Variants in PLK1 observed in about 807,000 individuals in gnomAD.
PLK1 encodes the protein serine/threonine-protein kinase PLK1.
Under a neutral mutation model 56.7 loss-of-function variants are expected in PLK1, and 6 were observed. The ratio of observed to expected loss-of-function variants is 0.11; its 90% confidence interval spans 0.06 to 0.21. The LOEUF is 0.21. Among genes scored for constraint, PLK1 ranks in the 10% least tolerant of loss-of-function variants. The pLI is 1.00. For missense variants in PLK1, 546 were observed against 814.4 expected (o/e 0.67, Z 4.01); for synonymous variants, 298 against 325.0 (o/e 0.92, Z 0.89).
chr16:23,687,200 G>T, intron 5 of PLK1: 1 of 263,726 alleles, frequency 3.8e-6, no homozygotes, highest in Non-Finnish European at 7.2e-6. Flanking sequence ...TGAGCTGCTG[G>T]TGCCTTCAAG....
At position 23,689,284 on chromosome 16, in the gene PLK1, A is replaced by C. The variant is rs754717383; in HGVS notation, c.1317A>C (p.Ser439=). ...DNSVGVLFND[S]TRLILYNDGD... ...GCGTGGGGGTGCTCTTCAATGACTC[A>C]ACACGCCTCATCCTCTACAATGATG... The change falls in exon 8 of 10, where the codon TCA becomes TCC. Residue 439 remains serine, a synonymous_variant. Coordinates refer to ENST00000300093, the MANE Select transcript of PLK1 (RefSeq NM_005030.6). This position sits in a 1 kb window ranked among gnomAD's most constrained non-coding sequence, Gnocchi z 4.8. 2 of 1,613,662 alleles carry C rather than the reference A, an allele frequency of 1.2e-6. No homozygotes were observed. Among genetic ancestry groups the C allele is most frequent in the African/African-American group, 1.3e-5 (1 of 74,836 alleles).
At chr16:23,687,421 G>T in intron 5 of PLK1, 48 bp from the exon 6 acceptor site, 1 of 1,441,390 alleles carries the variant, frequency 6.9e-7, no homozygotes, top group South Asian at 1.4e-5. Flanking sequence ...GCTGTGGCAG[G>T]GGAGTCCCGT....
intron 5 of PLK1, 61 bp downstream of exon 5, chr16:23,684,150 G>A (rs901208452): frequency 3.0e-6 from 4 of 1,333,908 alleles, no homozygotes; most frequent in Non-Finnish European, 4.3e-6. Flanking sequence ...TTGTAGGGGT[G>A]TGTGCAGCTT....
At chr16:23,680,812 A>G in intron 2 of PLK1, 102 bp from the exon 3 acceptor site, 1 of 1,109,578 alleles carries the variant, frequency 9.0e-7, no homozygotes, top group Non-Finnish European at 1.3e-6. Context: ...TTGTGGGATC[A>G]GATGGCCCTG....
In PLK1 at chr16:23,687,636, G is replaced by T; in HGVS notation, c.1192+12G>T. 1 of 1,544,930 alleles carries T rather than the reference G, an allele frequency of 6.5e-7. No individual in the cohort carries two copies. The highest frequency in any genetic ancestry group is 8.8e-7 in the Non-Finnish European group (1 of 1,135,480). ...GCTGGTCAGGCAAGGTGGGTACTGC[G>T]GGGCCCTGGGCGGGGCAGGATTGCT... On this transcript the variant is annotated intron_variant, in intron 6 of 9. Transcript: ENST00000300093.
intron 5 of PLK1, among the ~76,000 whole-genome samples, chr16:23,686,822 T>C (rs993563789): frequency 9.9e-5 from 15 of 152,222 alleles, no homozygotes; most frequent in Non-Finnish European, 1.9e-4. Context: ...ATCCCTAATA[T>C]CTTATTATTT....
chr16:23,688,951 G>A (rs188019287), intron 7 of PLK1, among the ~76,000 whole-genome samples: 1 of 151,682 alleles, frequency 6.6e-6, no homozygotes, highest in African/African-American at 2.4e-5. Flanking sequence ...CTGTAGCCCA[G>A]GCTGGAGTGC....
In PLK1 at chr16:23,689,758, G is replaced by T; in HGVS notation, c.1608+82G>T. ...CAGTGGCCCATGTGGGTTGAATGTGGAGTGAGCGGCTCAGGTACCTATAAC... is the reference window on the plus strand; with the variant it reads ...CAGTGGCCCATGTGGGTTGAATGTGTAGTGAGCGGCTCAGGTACCTATAAC... On this transcript the variant is annotated intron_variant, in intron 9 of 9. Transcript: ENST00000300093. The surrounding 1 kb of genome is among the most constrained non-coding windows in gnomAD (Gnocchi z 4.8). 1 of 1,532,210 alleles carries T rather than the reference G, an allele frequency of 6.5e-7. No homozygotes were observed. The highest frequency in any genetic ancestry group is 2.3e-5 in the East Asian group (1 of 44,052). The allele number at this position is 1,532,210 out of a possible 1,614,324, so 94.9% of individuals were successfully genotyped here. A position where few individuals can be genotyped will look rare whatever the true frequency, so the allele number is the denominator to read the frequency against.
Position 23,689,258 on chromosome 16 carries a change from A to T in PLK1, c.1291A>T (p.Ser431Cys). The change falls in exon 8 of 10, where the codon AGC becomes TGC. Residue 431 changes from serine to cysteine, a missense_variant. By Grantham distance (112) the Ser-to-Cys change is moderately radical (BLOSUM62 -1). Transcript: ENST00000300093. The surrounding 1 kb of genome is among the most constrained non-coding windows in gnomAD (Gnocchi z 4.8). ...CCTAGGGTATCAGCTCTGTGATAAC[A>T]GCGTGGGGGTGCTCTTCAATGACTC... Reference protein sequence around the residue: ...YGLGYQLCDNSVGVLFNDSTR... With the variant: ...YGLGYQLCDNCVGVLFNDSTR... 1 of 1,613,214 alleles carries T rather than the reference A, an allele frequency of 6.2e-7. No homozygotes were observed. The highest frequency in any genetic ancestry group is 8.5e-7 in the Non-Finnish European group (1 of 1,179,360).
In PLK1 at chr16:23,689,641, C is replaced by T. The variant is rs747431571; in HGVS notation, c.1573C>T (p.Leu525Phe). The T allele has an allele frequency of 6.2e-7, 1 of 1,611,010 alleles. No individual in the cohort carries two copies. The highest frequency in any genetic ancestry group is 8.5e-7 in the Non-Finnish European group (1 of 1,178,744). Residue 525 changes from leucine to phenylalanine, a missense_variant, in exon 9 of 10, where the codon CTC becomes TTC. Leu to Phe is a conservative substitution (Grantham distance 22). Coordinates refer to ENST00000300093, the MANE Select transcript of PLK1 (RefSeq NM_005030.6). This position sits in a 1 kb window ranked among gnomAD's most constrained non-coding sequence, Gnocchi z 4.8. ...FRTRSAIILH[L>F]SNGSVQINFF... The stretch of plus-strand genomic sequence containing the variant: ...CACCCGCAGCGCCATCATCCTGCAC[C>T]TCAGCAACGGCAGCGTGCAGATCAA...
Position 23,684,022 on chromosome 16 carries a change from A to T in PLK1, c.969A>T (p.Pro323=). ...RLPITCLTIP[P]RFSIAPSSLD... Reference sequence around the variant, plus strand: ...CCATCACCTGCCTGACCATTCCACCAAGGTTTTCGATTGCTCCCAGCAGCC... The same window carrying T: ...CCATCACCTGCCTGACCATTCCACCTAGGTTTTCGATTGCTCCCAGCAGCC... Residue 323 remains proline, a synonymous_variant, in exon 5 of 10, where the codon CCA becomes CCT. Transcript: ENST00000300093. 1.9e-6 allele frequency: 3 copies of T among 1,613,984 alleles called. No homozygotes were observed. The highest frequency in any genetic ancestry group is 2.5e-6 in the Non-Finnish European group (3 of 1,180,010).
chr16:23,688,614 A>G, intron 6 of PLK1, 54 bp from the exon 7 acceptor site: 1 of 1,341,554 alleles, frequency 7.5e-7, no homozygotes, highest in Non-Finnish European at 1.1e-6. Flanking sequence ...TGTGTGGAGC[A>G]GAGGGGAAGA....
chr16:23,687,073 G>C (rs1959439691), intron 5 of PLK1: 1 of 155,334 alleles, frequency 6.4e-6, no homozygotes, highest in Non-Finnish European at 1.4e-5. Context: ...AAAATTTCTT[G>C]TGTTTTTATT....
In PLK1 at chr16:23,679,268, C is replaced by A. The variant is rs755802528; in HGVS notation, c.336C>A (p.His112Gln). The A allele has an allele frequency of 6.2e-7, 1 of 1,613,966 alleles. No individual in the cohort carries two copies. Among genetic ancestry groups the A allele is most frequent in the Non-Finnish European group, 8.5e-7 (1 of 1,180,030 alleles). ...TTCACCGCAGCCTCGCCCACCAGCA[C>A]GTCGTAGGATTCCACGGCTTTTTCG... ...ISIHRSLAHQ[H>Q]VVGFHGFFED... The change falls in exon 1 of 10, where the codon CAC becomes CAA. Residue 112 changes from histidine (H) to glutamine (Q), a missense_variant. Physicochemically the swap from His to Gln is conservative, Grantham distance 24 (BLOSUM62 0). Transcript: ENST00000300093.
chr16:23,679,717 G>T (rs923359414), intron 1 of PLK1: 12 of 278,284 alleles, frequency 4.3e-5, no homozygotes, highest in Non-Finnish European at 6.8e-5. Flanking sequence ...GGTCAGTGGG[G>T]GGGTAGTTGG....
chr16:23,689,116 TCAAA>T lies in PLK1; in HGVS notation c.1271-118_1271-115del. ...CCAGGCTGGTCTCAAACTCCTGGGCTCAAACAATCCTCCTCCCTCAGCCTCCCAA... is the reference window on the plus strand; with the variant it reads ...CCAGGCTGGTCTCAAACTCCTGGGCTCAATCCTCCTCCCTCAGCCTCCCAA... On this transcript the variant is annotated intron_variant, in intron 7 of 9. Transcript: ENST00000300093. This position sits in a 1 kb window ranked among gnomAD's most constrained non-coding sequence, Gnocchi z 4.8. The T allele has an allele frequency of 1.2e-6, 1 of 854,592 alleles. No homozygotes were observed. The highest frequency in any genetic ancestry group is 2.4e-5 in the East Asian group (1 of 40,850). 52.9% of individuals were successfully genotyped at this position (854,592 alleles called of 1,614,324 possible).
At chr16:23,688,321 A>G (rs1959461178) in intron 6 of PLK1, among the ~76,000 whole-genome samples, 1 of 152,184 alleles carries the variant, frequency 6.6e-6, no homozygotes, top group African/African-American at 2.4e-5. Flanking sequence ...CCCTACAACC[A>G]CAGTGTAAGC....
At position 23,687,563 on chromosome 16, in the gene PLK1, G is replaced by T; in HGVS notation, c.1131G>T (p.Met377Ile). ...GEVVDCHLSD[M>I]LQQLHSVNAS... ...TGGTCGACTGCCACCTCAGTGACAT[G>T]CTGCAGCAGCTGCACAGTGTCAATG... Residue 377 changes from methionine (M) to isoleucine (I), a missense_variant, in exon 6 of 10, where the codon ATG becomes ATT. Met to Ile is a conservative substitution (Grantham distance 10). Transcript: ENST00000300093. 1.9e-6 allele frequency: 3 copies of T among 1,604,508 alleles called. No homozygotes were observed. The highest frequency in any genetic ancestry group is 2.6e-6 in the Non-Finnish European group (3 of 1,174,708).
At chr16:23,686,760 G>T (rs1190696255) in intron 5 of PLK1, among the ~76,000 whole-genome samples, 1 of 152,134 alleles carries the variant, frequency 6.6e-6, no homozygotes, top group East Asian at 1.9e-4. Context: ...CATAGTGTTG[G>T]GATTACAAGT....
Sources: allele counts gnomAD v4.1 joint callset (sites outside exome capture counted in the v4.1 genomes callset), GRCh38; gene constraint gnomAD v4.1.1; non-coding constraint Gnocchi (gnomAD v3.1); transcripts MANE v1.5; gene names NCBI Gene and HGNC (gene_info 2026-07-23, HGNC 2026-07-21).